The following RAB38 variants were observed in gnomAD, a reference collection of about 807,000 sequenced individuals.
The protein encoded by RAB38 is RAB38, member RAS oncogene family.
A neutral mutation model predicts 18.4 loss-of-function variants in RAB38; 15 were observed. The ratio of observed to expected loss-of-function variants is 0.82; its 90% CI spans 0.55 to 1.26. The LOEUF is 1.26. RAB38 is among the 50% of genes most tolerant of loss of function. RAB38 has a pLI of 0.00. For missense variants in RAB38, 294 were observed against 267.4 expected (o/e 1.10, Z -0.69); for synonymous variants, 101 against 104.4 (o/e 0.97, Z 0.20).
At chr11:88,003,698 ATATATTG>A in the RAB38 span, among the ~76,000 whole-genome samples, 1 of 2,756 alleles carries the variant, frequency 3.6e-4, no homozygotes, top group African/African-American at 3.1e-3. Flanking sequence ...ATTATATATA[ATATATTG>A]TATATATTAT....
In RAB38 at chr11:88,175,411, C is replaced by A. The variant is rs1424708333; in HGVS notation, c.-27G>T. The A allele has an allele frequency of 2.5e-6, 4 of 1,613,086 alleles. No individual in the cohort carries two copies. Among genetic ancestry groups the A allele is most frequent in the Non-Finnish European group, 3.4e-6 (4 of 1,179,400 alleles). Reference sequence around the variant, plus strand: ...CTGGCGGCCGGCCAGACGTGCCGTGCCTGACCAGGGAAGCGCAGCCTGGGC... The same window carrying A: ...CTGGCGGCCGGCCAGACGTGCCGTGACTGACCAGGGAAGCGCAGCCTGGGC... On this transcript the variant is annotated 5_prime_UTR_variant, in exon 1 of 3. Transcript: ENST00000243662.
chr11:88,149,742 T>A lies in RAB38; in HGVS notation c.416A>T (p.Asn139Ile), dbSNP rs139725413. 29 of 1,614,060 alleles carry A rather than the reference T, an allele frequency of 1.8e-5. No individual in the cohort carries two copies. Among genetic ancestry groups the A allele is most frequent in the Non-Finnish European group, 2.5e-5 (29 of 1,180,044 alleles). Residue 139 changes from asparagine (N) to isoleucine (I), a missense_variant, in exon 2 of 3, where the codon AAT becomes ATT. By Grantham distance (149) the Asn-to-Ile change is moderately radical. Coordinates refer to ENST00000243662, the MANE Select transcript of RAB38 (RefSeq NM_022337.3). Reference sequence around the variant, plus strand: ...GCAGAACTGGTCCATCTTGAGGCCATTGTTCATGAGCACATCCTTCCCCTG... The same window carrying A: ...GCAGAACTGGTCCATCTTGAGGCCAATGTTCATGAGCACATCCTTCCCCTG... ...CDQGKDVLMN[N>I]GLKMDQFCKE...
the RAB38 span, among the ~76,000 whole-genome samples, chr11:87,931,248 C>A: frequency 6.6e-6 from 1 of 151,924 alleles, no homozygotes; most frequent in Admixed American, 6.6e-5. Flanking sequence ...TCTTTAAAGG[C>A]AGAAATAATA....
chr11:88,045,361 G>T, the RAB38 span, among the ~76,000 whole-genome samples: 1 of 152,174 alleles, frequency 6.6e-6, no homozygotes, highest in Non-Finnish European at 1.5e-5. Flanking sequence ...TGCCTCCACT[G>T]TGAGACAAAC....
At chr11:87,964,675 G>A in the RAB38 span, among the ~76,000 whole-genome samples, 1 of 151,798 alleles carries the variant, frequency 6.6e-6, no homozygotes, top group South Asian at 2.1e-4. Flanking sequence ...TCTGGGTCCC[G>A]CTGTGGCCAC....
At chr11:87,815,464 A>G in the RAB38 span, 2 of 151,946 alleles carry the variant, frequency 1.3e-5, no homozygotes, top group African/African-American at 4.8e-5. Context: ...AGGAGGAGAA[A>G]AATTAAGCCT....
chr11:88,113,843 TCTCTCA>T lies in RAB38; in HGVS notation c.*139_*144del. ...GCATAGAAAGAACATTTGCTATTTCTCTCTCACTGAAAAAACAGAGGCATAGATCTT... is the reference window on the plus strand; with the variant it reads ...GCATAGAAAGAACATTTGCTATTTCTCTGAAAAAACAGAGGCATAGATCTT... On this transcript the variant is annotated 3_prime_UTR_variant, in exon 3 of 3. Coordinates refer to ENST00000243662, the MANE Select transcript of RAB38 (RefSeq NM_022337.3). 5 of 892,884 alleles carry T rather than the reference TCTCTCA, an allele frequency of 5.6e-6. No individual in the cohort carries two copies. The highest frequency in any genetic ancestry group is 8.6e-6 in the Non-Finnish European group (5 of 579,146). 55.3% of individuals were successfully genotyped at this position (892,884 alleles called of 1,614,324 possible). A position where few individuals can be genotyped will look rare whatever the true frequency, so the allele number is the denominator to read the frequency against.
At chr11:88,010,284 C>A in the RAB38 span, among the ~76,000 whole-genome samples, 1 of 115,914 alleles carries the variant, frequency 8.6e-6, no homozygotes, top group African/African-American at 3.1e-5. Flanking sequence ...GTTCTTTCAA[C>A]AGTCATTTAA....
At chr11:88,056,124 A>G in the RAB38 span, among the ~76,000 whole-genome samples, 1 of 152,128 alleles carries the variant, frequency 6.6e-6, no homozygotes, top group African/African-American at 2.4e-5. Flanking sequence ...AAGCTTGTTC[A>G]TCATCTGATT....
At chr11:88,145,014 T>G (rs541222603) in intron 2 of RAB38, among the ~76,000 whole-genome samples, 1 of 152,294 alleles carries the variant, frequency 6.6e-6, no homozygotes, top group African/African-American at 2.4e-5. Flanking sequence ...ATGGCTGTTG[T>G]GTGCATCACG....
chr11:87,839,886 G>A, the RAB38 span, among the ~76,000 whole-genome samples: 1 of 152,150 alleles, frequency 6.6e-6, no homozygotes, highest in African/African-American at 2.4e-5. Context: ...CCAGTAAAGA[G>A]AAATCTTTGT....
At chr11:87,944,776 C>T in the RAB38 span, among the ~76,000 whole-genome samples, 8 of 152,096 alleles carry the variant, frequency 5.3e-5, no homozygotes, top group African/African-American at 9.7e-5. Context: ...CTCACACTTA[C>T]GCAGCCAAAC....
At chr11:87,877,699 C>T in the RAB38 span, among the ~76,000 whole-genome samples, 1 of 151,496 alleles carries the variant, frequency 6.6e-6, no homozygotes, top group African/African-American at 2.4e-5. Flanking sequence ...TAACACTAGC[C>T]CTCCTAGCTA....
At chr11:88,139,054 G>T (rs1335850644) in intron 2 of RAB38, among the ~76,000 whole-genome samples, 1 of 152,114 alleles carries the variant, frequency 6.6e-6, no homozygotes, top group Non-Finnish European at 1.5e-5. Flanking sequence ...AAAGTGCTGG[G>T]ATAACAGGTG....
At chr11:87,935,525 AATTATTATTTTT>A in the RAB38 span, among the ~76,000 whole-genome samples, 6 of 152,050 alleles carry the variant, frequency 3.9e-5, no homozygotes, top group African/African-American at 1.4e-4. Context: ...AGTTACAGTT[AATTATTATTTTT>A]ATTATTATTT....
chr11:88,094,084 C>T, the RAB38 span, among the ~76,000 whole-genome samples: 1 of 151,826 alleles, frequency 6.6e-6, no homozygotes, highest in Non-Finnish European at 1.5e-5. Flanking sequence ...CACATGTTGA[C>T]AGCTCCACTC....
chr11:88,171,136 A>G (rs1168109222), intron 1 of RAB38, among the ~76,000 whole-genome samples: 1 of 152,252 alleles, frequency 6.6e-6, no homozygotes, highest in Non-Finnish European at 1.5e-5. Context: ...AATAATAGCT[A>G]ACACTCATTC....
the RAB38 span, among the ~76,000 whole-genome samples, chr11:87,822,009 A>G: frequency 1.3e-5 from 2 of 152,120 alleles, no homozygotes; most frequent in African/African-American, 4.8e-5. Flanking sequence ...TTAATTTTAA[A>G]CTTTGAGAAG....
chr11:88,114,161 C>G, intron 2 of RAB38, 21 bp from the exon 3 acceptor site: 1 of 1,612,642 alleles, frequency 6.2e-7, no homozygotes, highest in Admixed American at 1.7e-5. Flanking sequence ...AAAAATAAAA[C>G]AGCTTTTCTT....
Sources: gnomAD v4.1 joint callset for allele counts (sites outside exome capture counted in the v4.1 genomes callset) on GRCh38, gnomAD v4.1.1 for gene constraint, MANE v1.5 for transcripts, NCBI Gene and HGNC (gene_info 2026-07-23, HGNC 2026-07-21) for gene names.